USP34: variants seen among roughly 807,000 people sequenced by gnomAD.
USP34 encodes ubiquitin specific peptidase 34, also known as ubiquitin carboxyl-terminal hydrolase 34.
Under a neutral mutation model 460.3 loss-of-function variants are expected in USP34, and 70 were observed. The ratio of observed to expected loss-of-function variants is 0.15; its 90% CI spans 0.13 to 0.19. USP34 has a LOEUF of 0.19. Among genes scored for constraint, USP34 ranks in the 10% least tolerant of loss-of-function variants. The pLI, the probability that USP34 is intolerant of heterozygous loss-of-function variation, is 1.00. For synonymous variants in USP34, 1,647 were observed against 1,405.3 expected (o/e 1.17, Z -3.85); for missense variants, 3,985 against 4,236.2 (o/e 0.94, Z 1.65).
At chr2:61,386,689 CTG>C in intron 5 of USP34, among the ~76,000 whole-genome samples, 1 of 152,204 alleles carries the variant, frequency 6.6e-6, no homozygotes, top group South Asian at 2.1e-4. Context: ...ACTTAGGAGA[CTG>C]AGGCAGGAGA....
intron 27 of USP34, among the ~76,000 whole-genome samples, chr2:61,302,686 A>G (rs988408025): frequency 3.3e-5 from 5 of 152,204 alleles, no homozygotes; most frequent in Admixed American, 6.5e-5. Context: ...TATCCATTCT[A>G]TATCATTTAA....
At chr2:61,312,912 C>A (rs1690638531) in intron 25 of USP34, among the ~76,000 whole-genome samples, 1 of 152,152 alleles carries the variant, frequency 6.6e-6, no homozygotes, top group South Asian at 2.1e-4. Context: ...ATAACTTTAT[C>A]TCTTTTTAAA....
intron 66 of USP34, among the ~76,000 whole-genome samples, chr2:61,221,011 T>C (rs1317546053): frequency 6.6e-6 from 1 of 152,228 alleles, no homozygotes; most frequent in African/African-American, 2.4e-5. Context: ...GCTCATATGC[T>C]ACCACAGCAA....
At chr2:61,269,336 T>C (rs965019123) in intron 41 of USP34, among the ~76,000 whole-genome samples, 1 of 151,430 alleles carries the variant, frequency 6.6e-6, no homozygotes, top group African/African-American at 2.4e-5. Context: ...TTTTTTTTTT[T>C]TTTTTTTTTA....
chr2:61,388,986 T>C (rs1056519148), intron 5 of USP34, among the ~76,000 whole-genome samples: 1 of 152,022 alleles, frequency 6.6e-6, no homozygotes, highest in African/African-American at 2.4e-5. Context: ...TGAACATACA[T>C]GCAATATAAA....
Position 61,239,164 on chromosome 2 carries a change from G to C in USP34, c.6777+2396C>G, listed in dbSNP as rs77907930. 4.3e-4 allele frequency among the ~76,000 whole-genome samples: 66 copies of C among 152,024 alleles called. No individual in the cohort carries two copies. In the East Asian group the frequency reaches 0.012, roughly 29 times the overall value. ...CTCCTCAGGCCTCCATATTCTCTGA[G>C]ACAATACTGGAATTAGGCCAATTAA... On this transcript the variant is annotated intron_variant, in intron 53 of 79. Coordinates refer to ENST00000398571, the MANE Select transcript of USP34 (RefSeq NM_014709.4).
In USP34 at chr2:61,214,146, G is replaced by T. The variant is rs372197270; in HGVS notation, c.8596C>A (p.Pro2866Thr). The T allele has an allele frequency of 3.1e-6, 5 of 1,614,114 alleles. No homozygotes were observed. In the African/African-American group the frequency reaches 5.3e-5, roughly 17 times the overall value. Residue 2866 changes from proline (P) to threonine (T), a missense_variant, in exon 68 of 80, where the codon CCT (proline) becomes ACT (threonine). Pro to Thr is a conservative substitution (Grantham distance 38, BLOSUM62 -1). Around this residue, in one of 14 missense-constraint regions of USP34, gnomAD observed 66 missense variants for 121.2 expected, o/e 0.54. Transcript: ENST00000398571. ...GAAGCCAGTTGTCGTGTGAATGCAG[G>T]AGACTGCTCACAGCAGAGCCTCAGA... ...GILRLCCEQSPAFTRQLASHQ... is the reference protein window; with the variant it reads ...GILRLCCEQSTAFTRQLASHQ...
intron 58 of USP34, among the ~76,000 whole-genome samples, chr2:61,230,397 G>A (rs1372875970): frequency 2.0e-5 from 3 of 152,118 alleles, no homozygotes; most frequent in Non-Finnish European, 4.4e-5. Flanking sequence ...GTGGTGGTGG[G>A]CACCTGTAAT....
At chr2:61,394,384 ACT>A (rs961110346) in intron 5 of USP34, among the ~76,000 whole-genome samples, 7 of 151,746 alleles carry the variant, frequency 4.6e-5, no homozygotes, top group Admixed American at 2.0e-4. Context: ...ACATGGTAAA[ACT>A]CTGTCTCTAA....
At chr2:61,263,970 T>C (rs1024615957) in intron 43 of USP34, among the ~76,000 whole-genome samples, 1 of 152,206 alleles carries the variant, frequency 6.6e-6, no homozygotes, top group Admixed American at 6.5e-5. Flanking sequence ...CTAGAAGTGT[T>C]AATAGCTTTA....
At position 61,420,799 on chromosome 2, in the gene USP34, G is replaced by A. The variant is rs763971657; in HGVS notation, c.78C>T (p.Leu26=). The part of the protein sequence containing the change: ...SDVEGGDGLQ[L]RKEHTLKIFT... ...ATATTTTGAGAGTATGTTCCTTTCT[G>A]AGCTGCAGTCCATCACCACCTTCTA... The change falls in exon 2 of 80, where the codon CTC becomes CTT. Residue 26 remains leucine (L), a synonymous_variant. Coordinates refer to ENST00000398571, the MANE Select transcript of USP34 (RefSeq NM_014709.4). 2 of 1,611,138 alleles carry A rather than the reference G, an allele frequency of 1.2e-6. No individual in the cohort carries two copies. Among genetic ancestry groups the A allele is most frequent in the Admixed American group, 1.7e-5 (1 of 59,740 alleles).
At chr2:61,197,559 C>T (rs1686844360) in intron 75 of USP34, among the ~76,000 whole-genome samples, 1 of 152,136 alleles carries the variant, frequency 6.6e-6, no homozygotes, top group Admixed American at 6.5e-5. Context: ...TCATGATTTT[C>T]TTCACATCTG....
chr2:61,441,825 A>G (rs1694974430), intron 1 of USP34, among the ~76,000 whole-genome samples: 1 of 150,928 alleles, frequency 6.6e-6, no homozygotes, highest in Non-Finnish European at 1.5e-5. Flanking sequence ...AGAAAAAAGA[A>G]AAGAAAAGAA....
At chr2:61,400,435 A>G (rs1573004346) in intron 3 of USP34, among the ~76,000 whole-genome samples, 1 of 152,196 alleles carries the variant, frequency 6.6e-6, no homozygotes, top group East Asian at 1.9e-4. Flanking sequence ...TATGTAAATT[A>G]AGAAAATGCT....
At chr2:61,460,057 A>G (rs753120370) in intron 1 of USP34, among the ~76,000 whole-genome samples, 7 of 152,144 alleles carry the variant, frequency 4.6e-5, no homozygotes, top group Non-Finnish European at 8.8e-5. Flanking sequence ...GCAAGACTCC[A>G]TCTCAGAAAA....
chr2:61,390,129 CTTA>C (rs1693297263), intron 5 of USP34, among the ~76,000 whole-genome samples: 1 of 152,224 alleles, frequency 6.6e-6, no homozygotes, highest in Non-Finnish European at 1.5e-5. Flanking sequence ...GCCCTACAAG[CTTA>C]TACCTTTGAC....
chr2:61,435,464 A>C (rs558870606), intron 1 of USP34, among the ~76,000 whole-genome samples: 43 of 152,148 alleles, frequency 2.8e-4, no homozygotes, highest in African/African-American at 5.8e-4. Context: ...TAAAAAAAAA[A>C]CAAAAAAACA....
intron 41 of USP34, among the ~76,000 whole-genome samples, chr2:61,273,106 T>C (rs1044744630): frequency 3.3e-5 from 5 of 152,064 alleles, no homozygotes; most frequent in African/African-American, 1.2e-4. Flanking sequence ...TGATTCCATA[T>C]CAACATACCA....
At chr2:61,384,416 T>C (rs982596695) in intron 5 of USP34, among the ~76,000 whole-genome samples, 1 of 152,128 alleles carries the variant, frequency 6.6e-6, no homozygotes, top group Non-Finnish European at 1.5e-5. Flanking sequence ...ATGCCTATAA[T>C]CCCAGCACTC....
Sources: allele counts gnomAD v4.1 joint callset (sites outside exome capture counted in the v4.1 genomes callset), GRCh38; gene constraint gnomAD v4.1.1; regional missense constraint gnomAD v4.1.1; transcripts MANE v1.5; gene names NCBI Gene and HGNC (gene_info 2026-07-23, HGNC 2026-07-21).